DOCK2: variants seen among roughly 807,000 people sequenced by gnomAD.
DOCK2 encodes dedicator of cytokinesis protein 2.
DOCK2 carries 87 observed loss-of-function variants against 248.9 expected under a neutral mutation model. That is an observed-to-expected ratio of 0.35 (90% CI 0.29 to 0.42). The LOEUF (loss-of-function observed/expected upper bound fraction) is 0.42, where lower values mean the gene tolerates loss of function less well. DOCK2 is among the 10% of genes least tolerant of loss of function. DOCK2 has a pLI of 1.00. For missense variants in DOCK2, 1,747 were observed against 2,300.2 expected, an observed-to-expected ratio of 0.76 and a Z score of 4.92; for synonymous variants, 805 against 821.6, an observed-to-expected ratio of 0.98 and a Z score of 0.35.
intron 22 of DOCK2, among the ~76,000 whole-genome samples, chr5:169,735,305 C>T (rs1259210608): frequency 6.6e-6 from 1 of 152,190 alleles, no homozygotes; most frequent in African/African-American, 2.4e-5. Context: ...TCTTTCTCCA[C>T]TCTGGAATTG....
chr5:169,874,666 C>G (rs149562606), intron 27 of DOCK2, among the ~76,000 whole-genome samples: 20 of 152,198 alleles, frequency 1.3e-4, no homozygotes, highest in African/African-American at 4.8e-4. Flanking sequence ...AGCGTTTGGT[C>G]CCTTGGCCAG....
At chr5:169,742,543 G>A (rs74475555) in intron 22 of DOCK2, among the ~76,000 whole-genome samples, 2,005 of 152,268 alleles carry the variant, frequency 0.013, 60 homozygotes, top group African/African-American at 0.046. Context: ...AAGTGACTGA[G>A]GTACAGAAAA....
At chr5:169,936,633 A>G (rs141906346) in intron 27 of DOCK2, among the ~76,000 whole-genome samples, 1,526 of 148,776 alleles carry the variant, frequency 0.01, 69 homozygotes, top group Admixed American at 0.086. Flanking sequence ...TCACTGGAGA[A>G]ACCAGTGTGG....
Position 170,047,537 on chromosome 5 carries a change from A to G in DOCK2, c.3994A>G (p.Ile1332Val), listed in dbSNP as rs774576030. 21 of 1,613,726 alleles carry G rather than the reference A, an allele frequency of 1.3e-5. No homozygotes were observed. Among genetic ancestry groups the G allele is most frequent in the Non-Finnish European group, 1.6e-5 (19 of 1,179,870 alleles). ...LIQQAKFYES[I>V]MKILRPKPDY... ...CCAGCAGGCAAAATTCTATGAAAGC[A>G]TCATGAAAATCCTCAGGCCCAAACC... is the stretch of plus-strand genomic sequence containing the variant. Residue 1332 changes from isoleucine (I) to valine (V), a missense_variant, in exon 40 of 52, where the codon ATC becomes GTC. By Grantham distance (29) the Ile-to-Val change is conservative. This residue lies in a region of DOCK2 where 858 missense variants were observed against 1,183.5 expected (regional missense o/e 0.72). Transcript: ENST00000520908.
intron 27 of DOCK2, among the ~76,000 whole-genome samples, chr5:169,900,137 C>T (rs974522769): frequency 6.6e-5 from 10 of 152,180 alleles, no homozygotes; most frequent in Admixed American, 2.6e-4. Context: ...GGAACACCTC[C>T]AAGCTCTCAG....
intron 23 of DOCK2, 104 bp from the exon 24 acceptor site, chr5:169,759,601 A>G (rs948120651): frequency 4.8e-6 from 6 of 1,257,174 alleles, no homozygotes; most frequent in South Asian, 1.3e-5. Context: ...TCCAGGATGC[A>G]GAATCATTCT....
chr5:170,074,477 C>T (rs1298103933), intron 46 of DOCK2, among the ~76,000 whole-genome samples: 1 of 152,166 alleles, frequency 6.6e-6, no homozygotes, highest in Non-Finnish European at 1.5e-5. Flanking sequence ...TGCTGTGTGG[C>T]AACGGAATGA....
Position 169,664,189 on chromosome 5 carries a change from C to CA in DOCK2, c.128-5098dup, listed in dbSNP as rs553476400. Among the ~76,000 whole-genome samples the CA allele has an allele frequency of 3.8e-3, 578 of 152,322 alleles. 1 individual carries two copies. Among genetic ancestry groups the CA allele is most frequent in the Middle Eastern group, 0.014 (4 of 294 alleles). On this transcript the variant is annotated intron_variant, in intron 2 of 51. Transcript: ENST00000520908. ...CTCTAGGGCAGGGGAAAAGTGCTGC[C>CA]AGCCAGTCTTTTGCCAAAGCATAGC...
chr5:169,845,899 TAA>T (rs1770274297), intron 27 of DOCK2, among the ~76,000 whole-genome samples: 1 of 152,216 alleles, frequency 6.6e-6, no homozygotes, highest in Admixed American at 6.5e-5. Context: ...TTCATTTTCA[TAA>T]AATGAGCCTT....
chr5:170,062,500 A>T (rs1398519862), intron 44 of DOCK2, among the ~76,000 whole-genome samples: 1 of 152,156 alleles, frequency 6.6e-6, no homozygotes, highest in African/African-American at 2.4e-5. Context: ...ACACTGTGCT[A>T]TAAAATCAGG....
intron 19 of DOCK2, among the ~76,000 whole-genome samples, chr5:169,714,740 T>G (rs1423180252): frequency 6.6e-6 from 1 of 152,150 alleles, no homozygotes; most frequent in Non-Finnish European, 1.5e-5. Flanking sequence ...CATGCCAACT[T>G]TATGTGATAA....
chr5:169,843,609 T>G (rs1473346794), intron 27 of DOCK2, among the ~76,000 whole-genome samples: 4 of 152,214 alleles, frequency 2.6e-5, no homozygotes, highest in Non-Finnish European at 5.9e-5. Context: ...AAGTGTTCAG[T>G]TTGACGAGTT....
chr5:169,742,295 G>A (rs1337965782), intron 22 of DOCK2, among the ~76,000 whole-genome samples: 2 of 152,216 alleles, frequency 1.3e-5, no homozygotes, highest in African/African-American at 4.8e-5. Context: ...TGTTGACTAT[G>A]TACTAGACTC....
At chr5:169,883,916 G>A in intron 27 of DOCK2, 2 of 1,478,682 alleles carry the variant, frequency 1.4e-6, no homozygotes, top group South Asian at 1.4e-5. Flanking sequence ...CAGTGGGAAG[G>A]ATCAGGACCA....
intron 1 of DOCK2, among the ~76,000 whole-genome samples, chr5:169,642,009 T>C (rs1409274729): frequency 6.6e-6 from 1 of 152,196 alleles, no homozygotes; most frequent in Non-Finnish European, 1.5e-5. Flanking sequence ...TCTCTGTGAC[T>C]ATGAGGTGGG....
At chr5:169,973,030 C>T (rs1489930968) in intron 27 of DOCK2, among the ~76,000 whole-genome samples, 2 of 152,128 alleles carry the variant, frequency 1.3e-5, no homozygotes, top group Non-Finnish European at 2.9e-5. Context: ...ATACGTTTGG[C>T]TTGAAGTTTA....
chr5:169,980,460 A>G (rs1449659627), intron 27 of DOCK2: 2 of 152,184 alleles, frequency 1.3e-5, no homozygotes, highest in African/African-American at 2.4e-5. Flanking sequence ...AAAGCCGAAC[A>G]AACTGCTCGG....
chr5:170,057,686 G>A lies in DOCK2; in HGVS notation c.4467+20G>A, dbSNP rs2113859103. The A allele has an allele frequency of 6.3e-7, 1 of 1,585,580 alleles. No individual in the cohort carries two copies. Reference sequence around the variant, plus strand: ...TCGCAGGTGAGTCTGGGACATTCGTGGCAGGGCCACCCTTCCTCCGATGGG... The same window carrying A: ...TCGCAGGTGAGTCTGGGACATTCGTAGCAGGGCCACCCTTCCTCCGATGGG... On this transcript the variant is annotated intron_variant, in intron 44 of 51. Coordinates refer to ENST00000520908, the MANE Select transcript of DOCK2 (RefSeq NM_004946.3).
chr5:169,776,118 T>C (rs1260113785), intron 25 of DOCK2, among the ~76,000 whole-genome samples: 1 of 148,058 alleles, frequency 6.8e-6, no homozygotes, highest in African/African-American at 2.5e-5. Flanking sequence ...TTTTGTATCA[T>C]ATATATGATA....
Sources: gnomAD v4.1 joint callset for allele counts (sites outside exome capture counted in the v4.1 genomes callset) on GRCh38, gnomAD v4.1.1 for gene constraint, gnomAD v4.1.1 regional missense constraint, MANE v1.5 for transcripts, NCBI Gene and HGNC (gene_info 2026-07-23, HGNC 2026-07-21) for gene names.